IPO8: variants seen among roughly 807,000 people sequenced by gnomAD.
IPO8 encodes importin-8.
IPO8 carries 65 observed loss-of-function variants against 141.2 expected under a neutral mutation model. The observed-to-expected ratio is 0.46, with a 90% CI of 0.38 to 0.57. The LOEUF (loss-of-function observed/expected upper bound fraction) is 0.57, where lower values mean the gene tolerates loss of function less well. Ranked by LOEUF, IPO8 falls within the 20% of genes least tolerant of loss-of-function variation. The probability of loss-of-function intolerance (pLI) is 0.00; values close to 1 mark genes in which losing one functional copy is unlikely to be tolerated. For missense variants in IPO8, 980 were observed against 1,246.8 expected (o/e 0.79, Z 3.22); for synonymous variants, 411 against 420.3 (o/e 0.98, Z 0.27).
intron 2 of IPO8, among the ~76,000 whole-genome samples, chr12:30,687,957 C>T (rs1050301218): frequency 6.6e-6 from 1 of 152,052 alleles, no homozygotes; most frequent in Non-Finnish European, 1.5e-5. Flanking sequence ...CATCTGTCAC[C>T]ACTGATGACC....
Position 30,667,258 on chromosome 12 carries a change from C to T in IPO8, c.1145-1007G>A, listed in dbSNP as rs140018452. On this transcript the variant is annotated intron_variant, in intron 10 of 24. Transcript: ENST00000256079. Reference sequence around the variant, plus strand: ...CATTTAATCCTCCCAGCACTATTATCATCACCCGTTTGACAGCTGAAAGCA... The same window carrying T: ...CATTTAATCCTCCCAGCACTATTATTATCACCCGTTTGACAGCTGAAAGCA... 2.5e-3 allele frequency among the ~76,000 whole-genome samples: 376 copies of T among 152,306 alleles called. 4 individuals carry two copies. Among genetic ancestry groups the T allele is most frequent in the African/African-American group, 8.6e-3 (358 of 41,566 alleles).
chr12:30,694,305 G>A (rs1397553963), intron 1 of IPO8, among the ~76,000 whole-genome samples: 1 of 152,052 alleles, frequency 6.6e-6, no homozygotes, highest in Non-Finnish European at 1.5e-5. Flanking sequence ...TTCTTTTTCA[G>A]GCACCAGTGC....
chr12:30,651,577 G>A (rs2052726990), intron 19 of IPO8, among the ~76,000 whole-genome samples: 1 of 152,056 alleles, frequency 6.6e-6, no homozygotes, highest in East Asian at 1.9e-4. Flanking sequence ...GTGTGTGTGT[G>A]TGTATGTATA....
At chr12:30,670,214 T>C (rs1280743004) in intron 9 of IPO8, among the ~76,000 whole-genome samples, 1 of 152,154 alleles carries the variant, frequency 6.6e-6, no homozygotes, top group Admixed American at 6.5e-5. Context: ...AGAAAAGATA[T>C]CTGTTGGTAA....
At chr12:30,644,844 G>A (rs562315848) in intron 20 of IPO8, among the ~76,000 whole-genome samples, 3 of 151,202 alleles carry the variant, frequency 2.0e-5, no homozygotes, top group East Asian at 2.0e-4. Flanking sequence ...GTAGAGACAG[G>A]GTTTCACCAT....
At chr12:30,688,411 A>C (rs1373463697) in intron 2 of IPO8, 2 of 441,564 alleles carry the variant, frequency 4.5e-6, no homozygotes, top group Non-Finnish European at 9.1e-6. Context: ...CCACAAGCAA[A>C]AGAGAAAAAG....
chr12:30,694,656 T>G (rs1302816558), intron 1 of IPO8, among the ~76,000 whole-genome samples: 3 of 152,212 alleles, frequency 2.0e-5, no homozygotes, highest in Non-Finnish European at 1.5e-5. Context: ...TCTCAGGTGA[T>G]GCTGAAGCTC....
At chr12:30,658,641 G>A (rs1462747669) in intron 16 of IPO8, among the ~76,000 whole-genome samples, 1 of 152,080 alleles carries the variant, frequency 6.6e-6, no homozygotes, top group Non-Finnish European at 1.5e-5. Flanking sequence ...ACACACACTT[G>A]TGAAAACTGG....
chr12:30,657,551 C>T (rs989178668), intron 16 of IPO8, among the ~76,000 whole-genome samples: 3 of 152,110 alleles, frequency 2.0e-5, no homozygotes, highest in African/African-American at 4.8e-5. Flanking sequence ...ATTTACCCTT[C>T]ACACATATTA....
At chr12:30,678,452 T>C (rs956979306) in intron 5 of IPO8, among the ~76,000 whole-genome samples, 1 of 152,180 alleles carries the variant, frequency 6.6e-6, no homozygotes, top group African/African-American at 2.4e-5. Context: ...TACAGTAACA[T>C]GTACAGGTTT....
Position 30,661,257 on chromosome 12 carries a change from AT to A in IPO8, c.1764del (p.Phe589LeufsTer18). The A allele has an allele frequency of 6.3e-7, 1 of 1,590,086 alleles. No homozygotes were observed. The highest frequency in any genetic ancestry group is 8.5e-7 in the Non-Finnish European group (1 of 1,170,212). On this transcript the variant is annotated frameshift_variant, in exon 16 of 25. Coordinates refer to ENST00000256079, the MANE Select transcript of IPO8 (RefSeq NM_006390.4). LOFTEE classifies it high-confidence loss of function. ...TCATCACTTTGAAGAACTTTGCCAA[AT>A]ATCTCAGCCTATGAAAATAACATTA... is the stretch of plus-strand genomic sequence containing the variant. ...AVDMTQHLAE[I>X]FGKVLQSDEY...
At chr12:30,645,429 G>A (rs958234053) in intron 20 of IPO8, among the ~76,000 whole-genome samples, 1 of 148,938 alleles carries the variant, frequency 6.7e-6, no homozygotes. Flanking sequence ...GACTTAAGAA[G>A]TGTAAGCAAA....
At chr12:30,681,628 T>C (rs1233852878) in intron 4 of IPO8, 31 bp downstream of exon 4, 1 of 1,596,746 alleles carries the variant, frequency 6.3e-7, no homozygotes, top group Non-Finnish European at 8.6e-7. Flanking sequence ...TACACAAGGC[T>C]GCTTTCTTCA....
intron 7 of IPO8, 108 bp from the exon 8 acceptor site, chr12:30,674,182 G>A: frequency 1.5e-6 from 1 of 653,610 alleles, no homozygotes; most frequent in South Asian, 2.5e-5. Flanking sequence ...TACTGGGACA[G>A]AAAACTAACA....
intron 17 of IPO8, among the ~76,000 whole-genome samples, chr12:30,654,059 G>T (rs562853872): frequency 6.6e-6 from 1 of 152,044 alleles, no homozygotes; most frequent in East Asian, 1.9e-4. Context: ...CCCATTTAGG[G>T]TCAATTAATT....
rs1591850657 is a variant in IPO8 at position 30,695,756 on chromosome 12, A to AC, written c.-110dup. On this transcript the variant is annotated 5_prime_UTR_variant, in exon 1 of 25. An upstream open reading frame in the 5' UTR loses its in-frame stop. Transcript: ENST00000256079. The surrounding 1 kb of genome is among the most constrained non-coding windows in gnomAD (Gnocchi z 4.2). The stretch of plus-strand genomic sequence containing the variant: ...TTCCGCGACCCCTGGATTACCTCAC[A>AC]CCCCACCCCCCGCCACCGTCGCCAC... The AC allele has an allele frequency of 1.7e-5, 16 of 968,476 alleles. No homozygotes were observed. The East Asian group carries it at 4.2e-4, about 25-fold the overall frequency. The allele number at this position is 968,476 out of a possible 1,614,324, so 60.0% of individuals were successfully genotyped here.
intron 24 of IPO8, chr12:30,631,527 C>G: frequency 5.8e-6 from 1 of 173,642 alleles, no homozygotes; most frequent in Non-Finnish European, 1.2e-5. Context: ...GGAATACAAG[C>G]TCCTTGCAAG....
chr12:30,642,093 G>A (rs995728570), intron 20 of IPO8, among the ~76,000 whole-genome samples: 28 of 152,226 alleles, frequency 1.8e-4, no homozygotes, highest in African/African-American at 6.5e-4. Flanking sequence ...CTACTCGGGA[G>A]GCTGAGGCAG....
chr12:30,687,706 A>G (rs2053255543), intron 2 of IPO8, among the ~76,000 whole-genome samples: 1 of 152,204 alleles, frequency 6.6e-6, no homozygotes, highest in Admixed American at 6.5e-5. Flanking sequence ...ATGAATGTTA[A>G]TAAAAGCTTC....
Sources: gnomAD v4.1 joint callset for allele counts (sites outside exome capture counted in the v4.1 genomes callset) on GRCh38, gnomAD v4.1.1 for gene constraint, Gnocchi (gnomAD v3.1) non-coding constraint, MANE v1.5 for transcripts, NCBI Gene and HGNC (gene_info 2026-07-23, HGNC 2026-07-21) for gene names.